Variants in ZC3H12B observed in about 807,000 individuals in gnomAD.
ZC3H12B encodes zinc finger CCCH-type containing 12B.
Under a neutral mutation model 43.9 loss-of-function variants are expected in ZC3H12B, and 7 were observed. That is an observed-to-expected ratio of 0.16 (90% CI 0.09 to 0.30). The LOEUF is 0.30. Among genes scored for constraint, ZC3H12B ranks in the 10% least tolerant of loss-of-function variants. The pLI is 1.00. For missense variants in ZC3H12B, 475 were observed against 670.2 expected (o/e 0.71, Z 3.22); for synonymous variants, 222 against 241.7 (o/e 0.92, Z 0.76).
At chrX:65,166,621 C>A in the ZC3H12B span, among the ~76,000 whole-genome samples, 2 of 111,909 alleles carry the variant, frequency 1.8e-5, no homozygotes, top group South Asian at 3.7e-4. Flanking sequence ...AATCACCACA[C>A]CGTCTTCCAC....
chrX:65,343,472 ATC>A, the ZC3H12B span, among the ~76,000 whole-genome samples: 1 of 111,904 alleles, frequency 8.9e-6, no homozygotes, highest in Non-Finnish European at 1.9e-5. Context: ...CAAAAAGCTT[ATC>A]TGACACCATC....
intron 3 of ZC3H12B, among the ~76,000 whole-genome samples, chrX:65,454,011 G>T (rs915475911): frequency 8.9e-6 from 1 of 111,897 alleles, no homozygotes; most frequent in Non-Finnish European, 1.9e-5. Context: ...AGAAAGGGTG[G>T]AGCCAAGATG....
chrX:65,329,980 C>T, the ZC3H12B span, among the ~76,000 whole-genome samples: 1 of 112,051 alleles, frequency 8.9e-6, no homozygotes, highest in African/African-American at 3.2e-5. Flanking sequence ...AGTCAGGTAA[C>T]ATGATGCCTC....
At chrX:65,126,531 A>T in the ZC3H12B span, among the ~76,000 whole-genome samples, 1 of 111,226 alleles carries the variant, frequency 9.0e-6, no homozygotes, top group Admixed American at 9.6e-5. Flanking sequence ...GGATGTCTAG[A>T]TCTCTAGCAA....
intron 3 of ZC3H12B, among the ~76,000 whole-genome samples, chrX:65,454,906 C>A (rs1459080780): frequency 8.9e-6 from 1 of 112,161 alleles, no homozygotes; most frequent in Non-Finnish European, 1.9e-5. Context: ...AACACACCTG[C>A]AGCTGAGGGT....
the ZC3H12B span, among the ~76,000 whole-genome samples, chrX:65,159,899 T>A: frequency 9.0e-6 from 1 of 111,684 alleles, no homozygotes; most frequent in Non-Finnish European, 1.9e-5. Context: ...GGCTGTGGGT[T>A]TGTCATAGAT....
At chrX:65,246,441 C>G in the ZC3H12B span, among the ~76,000 whole-genome samples, 1 of 111,827 alleles carries the variant, frequency 8.9e-6, no homozygotes, top group African/African-American at 3.2e-5. Context: ...AAAAGAGAAC[C>G]TGAATAGCCA....
chrX:65,320,569 CA>C, the ZC3H12B span, among the ~76,000 whole-genome samples: 6 of 111,415 alleles, frequency 5.4e-5, no homozygotes, highest in Non-Finnish European at 7.5e-5. Flanking sequence ...TGTGTGGAAC[CA>C]AAAAAAGTCT....
chrX:65,394,558 T>A (rs1464132612), intron 2 of ZC3H12B, among the ~76,000 whole-genome samples: 1 of 112,105 alleles, frequency 8.9e-6, no homozygotes, highest in Non-Finnish European at 1.9e-5. Flanking sequence ...TCCATTGGTC[T>A]ACATATCTGA....
chrX:65,134,391 T>TGG, the ZC3H12B span, among the ~76,000 whole-genome samples: 1 of 111,815 alleles, frequency 8.9e-6, no homozygotes, highest in East Asian at 2.8e-4. Context: ...GAACACTGTC[T>TGG]TCCCTAGTCC....
chrX:65,373,021 G>T (rs746158982), intron 2 of ZC3H12B, among the ~76,000 whole-genome samples: 1 of 111,859 alleles, frequency 8.9e-6, no homozygotes, highest in South Asian at 3.7e-4. Flanking sequence ...AGTTCCTATG[G>T]TGGGCCTTGT....
Position 65,465,892 on chromosome X carries a change from A to T in ZC3H12B, n.408-22754A>T, listed in dbSNP as rs185256749. On this transcript the variant is annotated intron_variant and non_coding_transcript_variant, in intron 3 of 5. Coordinates refer to the ZC3H12B transcript ENST00000617377. ...GGCATACAACTTCATGATTATATAT[A>T]TTTTTTTGATATAATATATTCATAT... 6.4e-5 allele frequency among the ~76,000 whole-genome samples: 7 copies of T among 109,881 alleles called. No individual in the cohort carries two copies. In the East Asian group the frequency reaches 1.7e-3, roughly 26 times the overall value.
chrX:65,400,802 T>G (rs961952458), intron 3 of ZC3H12B, among the ~76,000 whole-genome samples: 1 of 111,783 alleles, frequency 8.9e-6, no homozygotes, highest in African/African-American at 3.2e-5. Context: ...ATTTACCTAA[T>G]CTGGATAATA....
chrX:65,274,721 A>C, the ZC3H12B span, among the ~76,000 whole-genome samples: 1 of 110,155 alleles, frequency 9.1e-6, no homozygotes, highest in Non-Finnish European at 1.9e-5. Context: ...ACAGCCCCAC[A>C]GCACCCTCCC....
the ZC3H12B span, among the ~76,000 whole-genome samples, chrX:65,212,288 A>G: frequency 2.0e-5 from 1 of 49,003 alleles, no homozygotes; most frequent in Non-Finnish European, 3.3e-5. Context: ...TATAATTATA[A>G]TATATTATAT....
chrX:65,275,498 G>A, the ZC3H12B span, among the ~76,000 whole-genome samples: 1 of 112,916 alleles, frequency 8.9e-6, no homozygotes, highest in Admixed American at 9.3e-5. Flanking sequence ...TTCCTTACCT[G>A]AGAAATAGTT....
chrX:65,056,819 G>T, the ZC3H12B span, among the ~76,000 whole-genome samples: 490 of 111,889 alleles, frequency 4.4e-3, no homozygotes, highest in South Asian at 0.019. Flanking sequence ...TCTTCTGGTT[G>T]AATTGATCCC....
At chrX:65,383,831 A>G (rs1242765814) in intron 2 of ZC3H12B, among the ~76,000 whole-genome samples, 1 of 110,710 alleles carries the variant, frequency 9.0e-6, no homozygotes, top group Non-Finnish European at 1.9e-5. Context: ...ACCATTTCAC[A>G]CCAGTTAGAA....
the ZC3H12B span, among the ~76,000 whole-genome samples, chrX:65,127,079 A>G: frequency 5.6e-3 from 623 of 110,840 alleles, 3 homozygotes; most frequent in Admixed American, 8.7e-3. Context: ...GAAGCTTGCT[A>G]TGTCATATTA....
Sources: allele counts gnomAD v4.1 joint callset (sites outside exome capture counted in the v4.1 genomes callset), GRCh38; gene constraint gnomAD v4.1.1; transcripts MANE v1.5; gene names NCBI Gene and HGNC (gene_info 2026-07-23, HGNC 2026-07-21).